AAK1: variants seen among roughly 807,000 people sequenced by gnomAD.
The protein encoded by AAK1 is AP2 associated kinase 1, also known as AP2-associated protein kinase 1.
AAK1 carries 37 observed loss-of-function variants against 116.0 expected under a neutral mutation model. The ratio of observed to expected loss-of-function variants is 0.32; its 90% CI spans 0.25 to 0.42. AAK1 has a LOEUF of 0.42. Ranked by LOEUF, AAK1 falls within the 10% of genes least tolerant of loss-of-function variation. The probability of loss-of-function intolerance (pLI) is 1.00; values close to 1 mark genes in which losing one functional copy is unlikely to be tolerated. For synonymous variants in AAK1, 458 were observed against 439.9 expected (o/e 1.04, Z -0.51); for missense variants, 919 against 1,170.6 (o/e 0.79, Z 3.14).
In AAK1 at chr2:69,463,825, T is replaced by C. The variant is rs956061263; in HGVS notation, c.*12044A>G. 1 of 152,226 alleles carries C rather than the reference T, an allele frequency of 6.6e-6. No homozygotes were observed. Among genetic ancestry groups the C allele is most frequent in the Non-Finnish European group, 1.5e-5 (1 of 68,132 alleles). 9.4% of individuals were successfully genotyped at this position (152,226 alleles called of 1,614,324 possible). A position where few individuals can be genotyped will look rare whatever the true frequency, so the allele number is the denominator to read the frequency against. On this transcript the variant is annotated 3_prime_UTR_variant, in exon 22 of 22. Coordinates refer to ENST00000409085, the MANE Select transcript of AAK1 (RefSeq NM_014911.5). Reference sequence around the variant, plus strand: ...CATGCCCAGCCTATTTTTTTATTTATTTTTTGAAGGGACAGGGTCTCGCTG... The same window carrying C: ...CATGCCCAGCCTATTTTTTTATTTACTTTTTGAAGGGACAGGGTCTCGCTG...
intron 2 of AAK1, among the ~76,000 whole-genome samples, chr2:69,604,034 C>T (rs1403198658): frequency 6.6e-6 from 1 of 152,182 alleles, no homozygotes; most frequent in African/African-American, 2.4e-5. Flanking sequence ...GGCAAAGATC[C>T]TTCTGAAACT....
intron 2 of AAK1, chr2:69,598,893 T>C: frequency 3.2e-6 from 1 of 312,088 alleles, no homozygotes; most frequent in Non-Finnish European, 6.4e-6. Context: ...CATGGCTTTT[T>C]TTACAAGGAG....
chr2:69,569,620 T>C (rs1290196682), intron 2 of AAK1, among the ~76,000 whole-genome samples: 1 of 152,100 alleles, frequency 6.6e-6, no homozygotes, highest in Non-Finnish European at 1.5e-5. Context: ...TCACACAAAG[T>C]CCCTCAGGCC....
intron 2 of AAK1, among the ~76,000 whole-genome samples, chr2:69,635,577 A>G (rs1329756644): frequency 6.6e-6 from 1 of 152,254 alleles, no homozygotes; most frequent in Non-Finnish European, 1.5e-5. Flanking sequence ...CATGTGGCAT[A>G]TATATACAAT....
intron 21 of AAK1, among the ~76,000 whole-genome samples, 156 bp downstream of exon 21, chr2:69,476,724 A>G (rs1053606701): frequency 6.6e-6 from 1 of 152,148 alleles, no homozygotes; most frequent in Non-Finnish European, 1.5e-5. Context: ...ACCTATCTCT[A>G]TCTATCTCTA....
At chr2:69,490,408 CA>C in intron 17 of AAK1, among the ~76,000 whole-genome samples, 1 of 152,196 alleles carries the variant, frequency 6.6e-6, no homozygotes, top group Non-Finnish European at 1.5e-5. Flanking sequence ...GGAAGCAACC[CA>C]AGTGTCCATT....
At chr2:69,518,740 G>A (rs1420439372) in intron 12 of AAK1, among the ~76,000 whole-genome samples, 1 of 152,174 alleles carries the variant, frequency 6.6e-6, no homozygotes, top group Non-Finnish European at 1.5e-5. Context: ...TTGTACTGAT[G>A]TTCCTCAATC....
chr2:69,492,518 C>CTTTTTTTTTTTTTTT (rs987331929), intron 17 of AAK1, among the ~76,000 whole-genome samples: 2 of 83,402 alleles, frequency 2.4e-5, no homozygotes, highest in African/African-American at 5.3e-5. Flanking sequence ...CTGGCCAATT[C>CTTTTTTTTTTTTTTT]TTTTTTTTTT....
At chr2:69,629,484 C>T (rs1675065078) in intron 2 of AAK1, among the ~76,000 whole-genome samples, 1 of 152,192 alleles carries the variant, frequency 6.6e-6, no homozygotes, top group Non-Finnish European at 1.5e-5. Flanking sequence ...TAGAGATTCA[C>T]ATGGCTTTCT....
rs1054531956 is a variant in AAK1, at chr2:69,530,521, A to G, written c.738+104T>C. On this transcript the variant is annotated intron_variant, in intron 7 of 21. Coordinates refer to ENST00000409085, the MANE Select transcript of AAK1 (RefSeq NM_014911.5). ...CCTTGAGGGGTAAGTAGACCATGAT[A>G]TGGTACAGTAGCCACCATGCTATAG... The G allele has an allele frequency of 5.5e-6, 5 of 904,654 alleles. No homozygotes were observed. In the African/African-American group the frequency reaches 6.7e-5, roughly 12 times the overall value. The allele number at this position is 904,654 out of a possible 1,614,324, so 56.0% of individuals were successfully genotyped here.
At chr2:69,533,271 TA>T (rs1045108344) in intron 5 of AAK1, among the ~76,000 whole-genome samples, 1 of 152,156 alleles carries the variant, frequency 6.6e-6, no homozygotes, top group African/African-American at 2.4e-5. Flanking sequence ...ATGCTTGGTA[TA>T]AAAAATGTAT....
rs1469690793 is a variant in AAK1 at position 69,466,781 on chromosome 2, A to C, written c.*9088T>G. On this transcript the variant is annotated 3_prime_UTR_variant, in exon 22 of 22. Coordinates refer to ENST00000409085, the MANE Select transcript of AAK1 (RefSeq NM_014911.5). ...TGATAGGCACGACGTACAGGAAAGG[A>C]GATGAAGATGTTAGGCACACAGACA... 1.0e-6 allele frequency: 1 copy of C among 985,322 alleles called. No homozygotes were observed. Among genetic ancestry groups the C allele is most frequent in the African/African-American group, 1.7e-5 (1 of 57,236 alleles). 61.0% of individuals were successfully genotyped at this position (985,322 alleles called of 1,614,324 possible).
Position 69,509,426 on chromosome 2 carries a change from T to C in AAK1, c.1811A>G (p.Gln604Arg), listed in dbSNP as rs760267982. Residue 604 changes from glutamine (Q) to arginine (R), a missense_variant, in exon 14 of 22, where the codon CAG becomes CGG. Around this residue, in one of 4 missense-constraint regions of AAK1, gnomAD observed 125 missense variants for 184.1 expected, o/e 0.68. Coordinates refer to ENST00000409085, the MANE Select transcript of AAK1 (RefSeq NM_014911.5). ...CTGGACGGCAGGAGGTGGGGTTGTC[T>C]GAACCTTTGGCTGTTGTCTTACTGG... ...QAPVRQQPKVQTTPPPAVQGQ... is the reference protein window; with the variant it reads ...QAPVRQQPKVRTTPPPAVQGQ... 20 of 1,613,810 alleles carry C rather than the reference T, an allele frequency of 1.2e-5. No homozygotes were observed. Among genetic ancestry groups the C allele is most frequent in the East Asian group, 6.7e-5 (3 of 44,898 alleles).
chr2:69,524,995 A>C, intron 10 of AAK1, 38 bp downstream of exon 10: 1 of 1,584,432 alleles, frequency 6.3e-7, no homozygotes, highest in Non-Finnish European at 8.7e-7. Flanking sequence ...TGCTGTGGCA[A>C]TCCAAGGAGG....
intron 2 of AAK1, among the ~76,000 whole-genome samples, chr2:69,578,995 G>A (rs1572974957): frequency 6.6e-6 from 1 of 151,796 alleles, no homozygotes; most frequent in African/African-American, 2.4e-5. Context: ...TATTAGAGAC[G>A]GGGCTTCACT....
intron 17 of AAK1, among the ~76,000 whole-genome samples, chr2:69,493,843 T>C (rs972927958): frequency 6.6e-6 from 1 of 152,178 alleles, no homozygotes; most frequent in African/African-American, 2.4e-5. Flanking sequence ...CTTTCCAAGC[T>C]GAGCACCAGC....
intron 2 of AAK1, among the ~76,000 whole-genome samples, chr2:69,584,196 T>C (rs1029263702): frequency 2.6e-5 from 4 of 152,126 alleles, no homozygotes; most frequent in South Asian, 2.1e-4. Flanking sequence ...TTTAACAATC[T>C]AGCATCTTCC....
At chr2:69,609,204 C>T (rs1015976091) in intron 2 of AAK1, among the ~76,000 whole-genome samples, 5 of 150,162 alleles carry the variant, frequency 3.3e-5, no homozygotes, top group African/African-American at 9.8e-5. Context: ...TCTACCAAAA[C>T]ACACAAAAAT....
At chr2:69,500,804 A>G (rs540018234) in intron 16 of AAK1, among the ~76,000 whole-genome samples, 1 of 151,128 alleles carries the variant, frequency 6.6e-6, no homozygotes, top group Non-Finnish European at 1.5e-5. Flanking sequence ...AAACCTCATT[A>G]AAAAACAGCT....
Sources: allele counts gnomAD v4.1 joint callset (sites outside exome capture counted in the v4.1 genomes callset), GRCh38; gene constraint gnomAD v4.1.1; regional missense constraint gnomAD v4.1.1; transcripts MANE v1.5; gene names NCBI Gene and HGNC (gene_info 2026-07-23, HGNC 2026-07-21).